Variants in SCUBE1 observed in about 807,000 individuals in gnomAD.
The protein encoded by SCUBE1 is signal peptide, CUB and EGF-like domain-containing protein 1.
In SCUBE1, 59 loss-of-function variants were observed where a neutral mutation model predicts 124.4. That is an observed-to-expected ratio of 0.47 (90% CI 0.38 to 0.59). The LOEUF (loss-of-function observed/expected upper bound fraction) is 0.59, where lower values mean the gene tolerates loss of function less well. Among genes scored for constraint, SCUBE1 ranks in the 20% least tolerant of loss-of-function variants. SCUBE1 has a pLI of 0.00. For missense variants in SCUBE1, 1,150 were observed against 1,371.2 expected, an observed-to-expected ratio of 0.84 and a Z score of 2.55; for synonymous variants, 545 against 550.9, an observed-to-expected ratio of 0.99 and a Z score of 0.15.
intron 6 of SCUBE1, among the ~76,000 whole-genome samples, chr22:43,250,416 GAACCCAA>G (rs1184975846): frequency 6.6e-6 from 1 of 152,190 alleles, no homozygotes; most frequent in Non-Finnish European, 1.5e-5. Flanking sequence ...GTCCCTGCTG[GAACCCAA>G]GGTCCCCTCA....
At chr22:43,217,102 C>CCACCCCACCAGGTGTCACCTCTTTA (rs1569497588) in intron 15 of SCUBE1, among the ~76,000 whole-genome samples, 8 of 103,890 alleles carry the variant, frequency 7.7e-5, no homozygotes, top group East Asian at 3.6e-4. Flanking sequence ...AACAGCTTCC[C>CCACCCCACCAGGTGTCACCTCTTTA]CCAACCCCCA....
At chr22:43,244,709 C>T (rs1440044739) in intron 6 of SCUBE1, among the ~76,000 whole-genome samples, 2 of 152,234 alleles carry the variant, frequency 1.3e-5, no homozygotes, top group African/African-American at 2.4e-5. Context: ...CCTCCCTAGG[C>T]CCTGGGTTTC....
intron 2 of SCUBE1, among the ~76,000 whole-genome samples, chr22:43,331,387 CAA>C (rs1220531133): frequency 6.6e-6 from 1 of 152,140 alleles, no homozygotes; most frequent in Non-Finnish European, 1.5e-5. Flanking sequence ...TTATTTCCCC[CAA>C]GAGTTTTAAT....
In SCUBE1 at chr22:43,277,609, A is replaced by G. The variant is rs972061872; in HGVS notation, c.484+13437T>C. Reference sequence around the variant, plus strand: ...ATCTTGGCTTTGCTACTTCTTCACTACGGACAAGTCTCTTTGCTTTTCAGC... The same window carrying G: ...ATCTTGGCTTTGCTACTTCTTCACTGCGGACAAGTCTCTTTGCTTTTCAGC... On this transcript the variant is annotated intron_variant, in intron 4 of 21. Coordinates refer to ENST00000360835, the MANE Select transcript of SCUBE1 (RefSeq NM_173050.5). Among the ~76,000 whole-genome samples, 5 of 152,206 alleles carry G rather than the reference A, an allele frequency of 3.3e-5. 1 individual carries two copies. The East Asian group carries it at 9.6e-4, about 29-fold the overall frequency.
At chr22:43,286,164 T>C (rs761042767) in intron 4 of SCUBE1, among the ~76,000 whole-genome samples, 2 of 152,264 alleles carry the variant, frequency 1.3e-5, no homozygotes, top group East Asian at 1.9e-4. Flanking sequence ...AGCCCGTGTT[T>C]ATTGAAACTG....
intron 3 of SCUBE1, among the ~76,000 whole-genome samples, chr22:43,305,337 C>A (rs1399552310): frequency 6.6e-6 from 1 of 152,134 alleles, no homozygotes; most frequent in Non-Finnish European, 1.5e-5. Flanking sequence ...GCACGTGTGG[C>A]TGATGGATAA....
intron 2 of SCUBE1, 63 bp from the exon 3 acceptor site, chr22:43,320,128 C>G: frequency 6.3e-7 from 1 of 1,597,522 alleles, no homozygotes; most frequent in Non-Finnish European, 8.6e-7. Context: ...CTCCCAACAC[C>G]ATGGAAGCCA....
chr22:43,221,980 C>T (rs930664397), intron 12 of SCUBE1, among the ~76,000 whole-genome samples: 1 of 152,132 alleles, frequency 6.6e-6, no homozygotes, highest in African/African-American at 2.4e-5. Flanking sequence ...AGGAGAATTG[C>T]TTGAACCTGG....
intron 2 of SCUBE1, among the ~76,000 whole-genome samples, chr22:43,330,242 C>A (rs190726102): frequency 1.3e-5 from 2 of 152,108 alleles, no homozygotes; most frequent in African/African-American, 4.8e-5. Context: ...CGCTGGCTCA[C>A]GGAGTTAGGA....
At chr22:43,215,242 G>C (rs1226872470) in intron 15 of SCUBE1, among the ~76,000 whole-genome samples, 1 of 152,226 alleles carries the variant, frequency 6.6e-6, no homozygotes, top group African/African-American at 2.4e-5. Context: ...CCAAGAGCCA[G>C]CTTGGTGGGG....
intron 6 of SCUBE1, among the ~76,000 whole-genome samples, chr22:43,249,632 C>A (rs1169032505): frequency 3.9e-5 from 6 of 152,244 alleles, no homozygotes; most frequent in Non-Finnish European, 8.8e-5. Flanking sequence ...CTTCCAGCTC[C>A]TTTGAGCCTG....
At chr22:43,339,061 T>C in intron 2 of SCUBE1, 43 bp downstream of exon 2, 1 of 1,609,088 alleles carries the variant, frequency 6.2e-7, no homozygotes, top group Middle Eastern at 1.7e-4. Context: ...ACAGCAGCCC[T>C]GGCAGCCTCA....
At chr22:43,262,233 A>C (rs1336179253) in intron 5 of SCUBE1, among the ~76,000 whole-genome samples, 1 of 152,156 alleles carries the variant, frequency 6.6e-6, no homozygotes, top group Non-Finnish European at 1.5e-5. Context: ...GGCTAGAGTG[A>C]TCCTCTGGCT....
chr22:43,336,957 CTGTG>C (rs34868094), intron 2 of SCUBE1, among the ~76,000 whole-genome samples: 9 of 150,396 alleles, frequency 6.0e-5, no homozygotes, highest in East Asian at 2.0e-4. Context: ...GTGTGTATGT[CTGTG>C]TGTGTGTGTG....
intron 4 of SCUBE1, among the ~76,000 whole-genome samples, chr22:43,266,710 A>G (rs1427551877): frequency 6.6e-6 from 1 of 152,088 alleles, no homozygotes; most frequent in Non-Finnish European, 1.5e-5. Flanking sequence ...TAGGGAGCAG[A>G]CGTTTCCTGG....
intron 6 of SCUBE1, among the ~76,000 whole-genome samples, chr22:43,249,330 G>A (rs1234210088): frequency 6.6e-6 from 1 of 151,180 alleles, no homozygotes; most frequent in Non-Finnish European, 1.5e-5. Context: ...TGGGGTGGAC[G>A]GGAGCTGGGG....
At chr22:43,296,442 T>C (rs1925562584) in intron 3 of SCUBE1, among the ~76,000 whole-genome samples, 1 of 152,204 alleles carries the variant, frequency 6.6e-6, no homozygotes, top group Non-Finnish European at 1.5e-5. Flanking sequence ...TTCATCTTTA[T>C]TTATGACCAC....
In SCUBE1 at chr22:43,229,087, T is replaced by C. The variant is rs201629334; in HGVS notation, c.1069A>G (p.Thr357Ala). ...GGCTGCAGACCTCCGCAGTGGGTTGTCCCGTAGAGGATGTAGCCGCGGTGA... is the reference window on the plus strand; with the variant it reads ...GGCTGCAGACCTCCGCAGTGGGTTGCCCCGTAGAGGATGTAGCCGCGGTGA... ...LCHRGYILYGTTHCGDVDECS... is the reference protein window; with the variant it reads ...LCHRGYILYGATHCGDVDECS... The change falls in exon 9 of 22, where the codon ACA (threonine) becomes GCA (alanine). Residue 357 changes from threonine (T) to alanine (A), a missense_variant. By Grantham distance (58) the Thr-to-Ala change is moderately conservative. Around this residue, in one of 3 missense-constraint regions of SCUBE1, gnomAD observed 337 missense variants for 482.1 expected, o/e 0.70. Coordinates refer to ENST00000360835, the MANE Select transcript of SCUBE1 (RefSeq NM_173050.5). 1.1e-5 allele frequency: 17 copies of C among 1,612,866 alleles called. No individual in the cohort carries two copies. The Admixed American group carries it at 1.5e-4, about 14-fold the overall frequency.
chr22:43,244,216 C>A (rs934000153), intron 6 of SCUBE1, among the ~76,000 whole-genome samples: 1 of 152,168 alleles, frequency 6.6e-6, no homozygotes. Flanking sequence ...CCACAGGGCA[C>A]CCCCCTTGGC....
Sources: gnomAD v4.1 joint callset for allele counts (sites outside exome capture counted in the v4.1 genomes callset) on GRCh38, gnomAD v4.1.1 for gene constraint, gnomAD v4.1.1 regional missense constraint, MANE v1.5 for transcripts, NCBI Gene and HGNC (gene_info 2026-07-23, HGNC 2026-07-21) for gene names.